Variants in KNTC1 observed in about 807,000 individuals in gnomAD.
KNTC1 encodes the protein kinetochore associated 1, also known as kinetochore-associated protein 1.
Under a neutral mutation model 314.4 loss-of-function variants are expected in KNTC1, and 253 were observed. The observed-to-expected ratio is 0.80, with a 90% CI of 0.73 to 0.89. The LOEUF is 0.89. KNTC1 is among the 40% of genes least tolerant of loss of function. The pLI, the probability that KNTC1 is intolerant of heterozygous loss-of-function variation, is 0.00. For missense variants in KNTC1, 2,475 were observed against 2,572.9 expected, an observed-to-expected ratio of 0.96 and a Z score of 0.82; for synonymous variants, 901 against 901.4, an observed-to-expected ratio of 1.00 and a Z score of 0.01.
At chr12:122,528,983 C>T (rs1366257686) in intron 1 of KNTC1, among the ~76,000 whole-genome samples, 1 of 152,104 alleles carries the variant, frequency 6.6e-6, no homozygotes, top group Non-Finnish European at 1.5e-5. Context: ...GCTGGGATTA[C>T]AGGCGCACAC....
Position 122,562,475 on chromosome 12 carries a change from GTGTGTA to G in KNTC1, c.1543-157_1543-152del, listed in dbSNP as rs147460395. On this transcript the variant is annotated intron_variant, in intron 19 of 63. Transcript: ENST00000333479. ...TGTGTGTGTGTGTGTGTGTGTGTGT[GTGTGTA>G]TGTGTGTGAAATAAAGGCAGTCCTA... 4.0e-3 allele frequency among the ~76,000 whole-genome samples: 555 copies of G among 138,036 alleles called. 1 individual carries two copies. The highest frequency in any genetic ancestry group is 0.012 in the Middle Eastern group (3 of 250). The allele number at this position is 138,036 out of a possible 152,430, so 90.6% of individuals were successfully genotyped here.
At chr12:122,532,268 G>GCGT (rs898019493) in intron 2 of KNTC1, among the ~76,000 whole-genome samples, 1 of 147,918 alleles carries the variant, frequency 6.8e-6, no homozygotes, top group Non-Finnish European at 1.5e-5. Flanking sequence ...GAGTGCAGTG[G>GCGT]CGTGATCTTG....
chr12:122,591,317 A>G lies in KNTC1; in HGVS notation c.4129-20A>G, dbSNP rs766350789. The stretch of plus-strand genomic sequence containing the variant: ...ACATTCTACTTACGATTGAACTTTA[A>G]TTCTCTTTTAATTTTTTAGGCAATA... On this transcript the variant is annotated intron_variant, in intron 41 of 63. Transcript: ENST00000333479. The G allele has an allele frequency of 1.3e-5, 17 of 1,274,804 alleles. No homozygotes were observed. The East Asian group carries it at 3.5e-4, about 26-fold the overall frequency. 79.0% of individuals were successfully genotyped at this position (1,274,804 alleles called of 1,614,324 possible).
At chr12:122,595,156 G>A (rs553817923) in intron 43 of KNTC1, among the ~76,000 whole-genome samples, 230 of 152,344 alleles carry the variant, frequency 1.5e-3, no homozygotes, top group Non-Finnish European at 2.4e-3. Flanking sequence ...GATTATAGGC[G>A]TGAGCCACTG....
intron 58 of KNTC1, 38 bp downstream of exon 58, chr12:122,618,435 T>C: frequency 6.2e-7 from 1 of 1,612,574 alleles, no homozygotes; most frequent in Non-Finnish European, 8.5e-7. Context: ...CAGCATTTTA[T>C]AGTTGAGTGT....
intron 33 of KNTC1, among the ~76,000 whole-genome samples, chr12:122,581,018 A>G (rs1394131001): frequency 8.5e-6 from 1 of 117,378 alleles, no homozygotes; most frequent in Non-Finnish European, 1.7e-5. Context: ...ACAGATCGAG[A>G]CTCCATCTCA....
intron 53 of KNTC1, chr12:122,611,464 AGTCC>A (rs1305834107): frequency 2.0e-5 from 3 of 152,476 alleles, no homozygotes; most frequent in Admixed American, 6.5e-5. Context: ...CTGATTTTAA[AGTCC>A]GTGACAAAAA....
intron 16 of KNTC1, among the ~76,000 whole-genome samples, chr12:122,555,206 T>C (rs1176356828): frequency 6.6e-6 from 1 of 152,238 alleles, no homozygotes; most frequent in Non-Finnish European, 1.5e-5. Context: ...TCTTAGGTTA[T>C]GATAATTTAA....
chr12:122,584,326 T>C lies in KNTC1; in HGVS notation c.3312T>C (p.Phe1104=). The C allele has an allele frequency of 6.2e-7, 1 of 1,613,750 alleles. No individual in the cohort carries two copies. The highest frequency in any genetic ancestry group is 1.7e-5 in the Admixed American group (1 of 60,012). ...HCNADTGKLL[F]LTCQKLCQML... is the part of the protein sequence containing the mutation. ...ATGCTGACACTGGGAAATTGCTATT[T>C]CTGACATGTCAGAAGCTTTGTCAGA... Residue 1104 remains phenylalanine (F), a synonymous_variant, in exon 35 of 64, where the codon TTT becomes TTC. Coordinates refer to ENST00000333479, the MANE Select transcript of KNTC1 (RefSeq NM_014708.6).
At position 122,562,672 on chromosome 12, in the gene KNTC1, A is replaced by G. The variant is rs1964056751; in HGVS notation, c.1577A>G (p.Tyr526Cys). 3 of 1,610,582 alleles carry G rather than the reference A, an allele frequency of 1.9e-6. No homozygotes were observed. Among genetic ancestry groups the G allele is most frequent in the South Asian group, 1.1e-5 (1 of 90,870 alleles). ...LRAHAKLTTFYGAFGPEKFSG... is the reference protein window; with the variant it reads ...LRAHAKLTTFCGAFGPEKFSG... ...GCTCATGCAAAATTGACTACTTTTTATGGAGCATTTGGACCAGAAAAATTC... is the reference window on the plus strand; with the variant it reads ...GCTCATGCAAAATTGACTACTTTTTGTGGAGCATTTGGACCAGAAAAATTC... Residue 526 changes from tyrosine (Y) to cysteine (C), a missense_variant, in exon 20 of 64, where the codon TAT becomes TGT. Coordinates refer to ENST00000333479, the MANE Select transcript of KNTC1 (RefSeq NM_014708.6).
At position 122,604,906 on chromosome 12, in the gene KNTC1, G is replaced by A; in HGVS notation, c.5205G>A (p.Leu1735=). Residue 1735 remains leucine (L), a synonymous_variant, in exon 50 of 64, where the codon TTG becomes TTA. Coordinates refer to ENST00000333479, the MANE Select transcript of KNTC1 (RefSeq NM_014708.6). ...AAAAACGTGAAAAAGCCGAGGCTTTGTTGAAGAAGCTTCATATCCAGTACC... is the reference window on the plus strand; with the variant it reads ...AAAAACGTGAAAAAGCCGAGGCTTTATTGAAGAAGCTTCATATCCAGTACC... The part of the protein sequence containing the change: ...QDEKREKAEA[L]LKKLHIQYRR... The A allele has an allele frequency of 1.2e-6, 2 of 1,608,446 alleles. No homozygotes were observed. The highest frequency in any genetic ancestry group is 1.1e-5 in the South Asian group (1 of 89,900).
intron 56 of KNTC1, 38 bp from the exon 57 acceptor site, chr12:122,615,432 G>A (rs902789895): frequency 1.4e-6 from 2 of 1,453,834 alleles, no homozygotes; most frequent in Non-Finnish European, 1.8e-6. Context: ...TTCCATTTTG[G>A]TGGTCTTTAG....
chr12:122,560,020 C>T (rs1275948693), intron 18 of KNTC1, among the ~76,000 whole-genome samples: 2 of 152,134 alleles, frequency 1.3e-5, no homozygotes, highest in African/African-American at 4.8e-5. Flanking sequence ...TCTCCCCAGC[C>T]CCTGGCAAAC....
Position 122,591,260 on chromosome 12 carries a change from G to A in KNTC1, c.4129-77G>A, listed in dbSNP as rs1870150524. On this transcript the variant is annotated intron_variant, in intron 41 of 63. Transcript: ENST00000333479. ...TGATCACAAAGTTATGATTTTTATT[G>A]TTGCGTTTCGTCTAAAAGGTGTTAT... The A allele has an allele frequency of 7.6e-6, 6 of 789,790 alleles. No individual in the cohort carries two copies. In the Admixed American group the frequency reaches 1.1e-4, roughly 14 times the overall value. The allele number at this position is 789,790 out of a possible 1,614,324, so 48.9% of individuals were successfully genotyped here.
At chr12:122,531,985 G>T (rs1593469194) in intron 2 of KNTC1, among the ~76,000 whole-genome samples, 1 of 150,554 alleles carries the variant, frequency 6.6e-6, no homozygotes, top group Admixed American at 6.6e-5. Flanking sequence ...CGCCCGGCTC[G>T]GCCTCCCAAA....
At chr12:122,617,260 A>C (rs544371381) in intron 57 of KNTC1, 1 of 289,452 alleles carries the variant, frequency 3.5e-6, no homozygotes, top group African/African-American at 2.2e-5. Context: ...CAGTAACTCT[A>C]TGTTTAGCCT....
intron 18 of KNTC1, among the ~76,000 whole-genome samples, chr12:122,560,463 C>A (rs971497303): frequency 1.3e-5 from 2 of 152,248 alleles, no homozygotes; most frequent in Admixed American, 1.3e-4. Context: ...CTGCCCACCC[C>A]CCAGGCTCAA....
chr12:122,593,416 A>G (rs977315703), intron 42 of KNTC1: 8 of 151,798 alleles, frequency 5.3e-5, no homozygotes, highest in African/African-American at 1.7e-4. Flanking sequence ...GGCATGCACC[A>G]CCACGCCCGG....
intron 6 of KNTC1, among the ~76,000 whole-genome samples, chr12:122,542,573 C>T (rs1188857237): frequency 6.6e-6 from 1 of 152,122 alleles, no homozygotes; most frequent in Non-Finnish European, 1.5e-5. Context: ...CAAGACCAGC[C>T]TGACCAACAT....
Sources: allele counts gnomAD v4.1 joint callset (sites outside exome capture counted in the v4.1 genomes callset), GRCh38; gene constraint gnomAD v4.1.1; transcripts MANE v1.5; gene names NCBI Gene and HGNC (gene_info 2026-07-23, HGNC 2026-07-21).